GXYLT2: variants seen among roughly 807,000 people sequenced by gnomAD.
GXYLT2 encodes the protein glucoside xylosyltransferase 2.
A neutral mutation model predicts 45.8 loss-of-function variants in GXYLT2; 53 were observed. The ratio of observed to expected loss-of-function variants is 1.16; its 90% CI spans 0.93 to 1.46. The LOEUF (loss-of-function observed/expected upper bound fraction) is 1.46, where lower values mean the gene tolerates loss of function less well. GXYLT2 is among the 40% of genes most tolerant of loss of function. GXYLT2 has a pLI of 0.00. For synonymous variants in GXYLT2, 219 were observed against 214.2 expected (o/e 1.02, Z -0.19); for missense variants, 551 against 544.4 (o/e 1.01, Z -0.12).
intron 1 of GXYLT2, among the ~76,000 whole-genome samples, chr3:72,900,712 C>G (rs1202836835): frequency 6.6e-6 from 1 of 152,044 alleles, no homozygotes; most frequent in African/African-American, 2.4e-5. Flanking sequence ...GTTACCACAC[C>G]CAGCCCACAA....
At chr3:72,893,020 G>T (rs115134979) in intron 1 of GXYLT2, among the ~76,000 whole-genome samples, 1 of 152,076 alleles carries the variant, frequency 6.6e-6, no homozygotes, top group Non-Finnish European at 1.5e-5. Context: ...ACCTGCAGGT[G>T]CCTACTCTCT....
At chr3:72,891,097 T>C (rs1243197354) in intron 1 of GXYLT2, among the ~76,000 whole-genome samples, 4 of 152,076 alleles carry the variant, frequency 2.6e-5, no homozygotes, top group African/African-American at 9.7e-5. Flanking sequence ...ATTTTTGTGG[T>C]TTAGGAGGAA....
chr3:72,908,591 A>AAGTGT (rs1559729824), intron 2 of GXYLT2, 32 bp downstream of exon 2: 9 of 1,542,656 alleles, frequency 5.8e-6, no homozygotes, highest in Admixed American at 1.7e-5. Context: ...CACAGTGTTT[A>AAGTGT]CTAAGTACAA....
intron 1 of GXYLT2, among the ~76,000 whole-genome samples, chr3:72,896,942 C>A (rs1195819296): frequency 1.3e-5 from 2 of 151,802 alleles, no homozygotes; most frequent in Non-Finnish European, 2.9e-5. Flanking sequence ...TTTTTGCTGC[C>A]CTGCCTAGCC....
rs963840126 is a variant in GXYLT2 at position 72,950,137 on chromosome 3, C to T, written c.601-4961C>T. 2.6e-5 allele frequency among the ~76,000 whole-genome samples: 4 copies of T among 151,810 alleles called. No homozygotes were observed. The East Asian group carries it at 5.8e-4, about 22-fold the overall frequency. ...CAGGAGTTCAAGACCAACCTGGCAA[C>T]AAACCAAGAGCCTGTCTCTACAAAA... On this transcript the variant is annotated intron_variant, in intron 3 of 6. Transcript: ENST00000389617.
chr3:72,931,236 A>T (rs569208682), intron 3 of GXYLT2, among the ~76,000 whole-genome samples: 10 of 149,380 alleles, frequency 6.7e-5, no homozygotes, highest in East Asian at 2.0e-4. Context: ...TTTATTTTCT[A>T]TTTTTTTTTT....
At chr3:72,968,361 AATG>A (rs1204215026) in intron 6 of GXYLT2, among the ~76,000 whole-genome samples, 1 of 152,212 alleles carries the variant, frequency 6.6e-6, no homozygotes, top group Non-Finnish European at 1.5e-5. Context: ...ATAAAAAGAA[AATG>A]ATATTACTCA....
chr3:72,959,406 C>G (rs1710724711), intron 5 of GXYLT2, among the ~76,000 whole-genome samples: 1 of 151,862 alleles, frequency 6.6e-6, no homozygotes, highest in Non-Finnish European at 1.5e-5. Context: ...GCATCAGCCA[C>G]TGTACCCAGC....
intron 3 of GXYLT2, chr3:72,929,652 G>A (rs1393772744): frequency 3.9e-6 from 3 of 767,566 alleles, no homozygotes; most frequent in Non-Finnish European, 6.9e-6. Context: ...CACCAAGGCA[G>A]TGCATGCATG....
At chr3:72,900,295 T>C (rs572537139) in intron 1 of GXYLT2, among the ~76,000 whole-genome samples, 3 of 152,322 alleles carry the variant, frequency 2.0e-5, no homozygotes, top group African/African-American at 7.2e-5. Context: ...AAGTTGCTTC[T>C]CCCTCCTAGG....
chr3:72,927,829 C>A (rs143051430), intron 3 of GXYLT2, among the ~76,000 whole-genome samples: 1 of 152,302 alleles, frequency 6.6e-6, no homozygotes, highest in East Asian at 1.9e-4. Flanking sequence ...TTCCACAGTA[C>A]TTATCATTTA....
intron 6 of GXYLT2, among the ~76,000 whole-genome samples, chr3:72,969,262 C>G (rs1575819478): frequency 1.2e-5 from 1 of 80,612 alleles, no homozygotes; most frequent in African/African-American, 4.0e-5. Context: ...TAAGGCAAGC[C>G]TCATGCTGTA....
intron 1 of GXYLT2, among the ~76,000 whole-genome samples, chr3:72,902,249 A>C (rs998208292): frequency 2.0e-5 from 3 of 152,226 alleles, no homozygotes; most frequent in Admixed American, 6.5e-5. Flanking sequence ...TAACATTCTC[A>C]GGAACTACCA....
chr3:72,907,791 T>C (rs565599736), intron 1 of GXYLT2, among the ~76,000 whole-genome samples: 28 of 152,312 alleles, frequency 1.8e-4, no homozygotes, highest in African/African-American at 6.5e-4. Context: ...AACACCTGTT[T>C]CTTCAAGACT....
At chr3:72,906,235 C>T (rs917639963) in intron 1 of GXYLT2, among the ~76,000 whole-genome samples, 5 of 152,212 alleles carry the variant, frequency 3.3e-5, no homozygotes, top group Admixed American at 1.3e-4. Flanking sequence ...GTCTTGCAGG[C>T]GGGGGTCCTC....
intron 3 of GXYLT2, among the ~76,000 whole-genome samples, chr3:72,940,264 T>C (rs759739879): frequency 6.6e-5 from 10 of 152,256 alleles, no homozygotes; most frequent in Admixed American, 3.9e-4. Flanking sequence ...GCCTCAGTTA[T>C]GTGACTGGCC....
chr3:72,948,697 C>T (rs959990689), intron 3 of GXYLT2, among the ~76,000 whole-genome samples: 4 of 151,792 alleles, frequency 2.6e-5, no homozygotes, highest in Non-Finnish European at 5.9e-5. Context: ...ATTAGCTGGG[C>T]GTGGTGGTGG....
chr3:72,975,365 T>C lies in GXYLT2; in HGVS notation c.*206T>C. The C allele has an allele frequency of 6.5e-6, 2 of 305,562 alleles. No homozygotes were observed. The highest frequency in any genetic ancestry group is 4.3e-5 in the East Asian group (1 of 23,484). 18.9% of individuals were successfully genotyped at this position (305,562 alleles called of 1,614,324 possible). ...TTTTTTCTAAAATGCTATTTATCTCTAAGGAAAAAAAAAAAAGACTATTAC... is the reference window on the plus strand; with the variant it reads ...TTTTTTCTAAAATGCTATTTATCTCCAAGGAAAAAAAAAAAAGACTATTAC... On this transcript the variant is annotated 3_prime_UTR_variant, in exon 7 of 7. Coordinates refer to ENST00000389617, the MANE Select transcript of GXYLT2 (RefSeq NM_001080393.2).
chr3:72,926,755 A>G (rs2107107282), intron 3 of GXYLT2, among the ~76,000 whole-genome samples: 1 of 152,342 alleles, frequency 6.6e-6, no homozygotes, highest in Non-Finnish European at 1.5e-5. Context: ...GACAGACATC[A>G]CTGGATTGCA....
Sources: allele counts gnomAD v4.1 joint callset (sites outside exome capture counted in the v4.1 genomes callset), GRCh38; gene constraint gnomAD v4.1.1; transcripts MANE v1.5; gene names NCBI Gene and HGNC (gene_info 2026-07-23, HGNC 2026-07-21).